The following TRPS1 variants were observed in gnomAD, a reference collection of about 807,000 sequenced individuals.
The protein encoded by TRPS1 is zinc finger transcription factor Trps1.
TRPS1 carries 6 observed loss-of-function variants against 101.2 expected under a neutral mutation model. The ratio of observed to expected loss-of-function variants is 0.06; its 90% CI spans 0.03 to 0.12. The LOEUF (loss-of-function observed/expected upper bound fraction) is 0.12. TRPS1 is among the 10% of genes least tolerant of loss of function. TRPS1 has a pLI of 1.00. For synonymous variants in TRPS1, 578 were observed against 589.8 expected (o/e 0.98, Z 0.29); for missense variants, 1,363 against 1,567.0 (o/e 0.87, Z 2.20).
At chr8:115,621,744 T>A (rs1262287924) in intron 2 of TRPS1, among the ~76,000 whole-genome samples, 1 of 151,582 alleles carries the variant, frequency 6.6e-6, no homozygotes, top group Non-Finnish European at 1.5e-5. Context: ...CGAAATTCCA[T>A]CTCTACAAAA....
At chr8:115,561,630 C>A (rs978427527) in intron 5 of TRPS1, among the ~76,000 whole-genome samples, 14 of 152,002 alleles carry the variant, frequency 9.2e-5, no homozygotes, top group Admixed American at 3.9e-4. Flanking sequence ...TTGAACGAAA[C>A]CTGCTACAGG....
intron 5 of TRPS1, among the ~76,000 whole-genome samples, chr8:115,548,975 G>A (rs1459864827): frequency 1.3e-5 from 2 of 152,056 alleles, no homozygotes; most frequent in Non-Finnish European, 2.9e-5. Context: ...GCACTGAGCT[G>A]GTAAAGTAGT....
At chr8:115,576,593 C>T (rs902886457) in intron 5 of TRPS1, among the ~76,000 whole-genome samples, 2 of 152,040 alleles carry the variant, frequency 1.3e-5, no homozygotes, top group Non-Finnish European at 2.9e-5. Context: ...CACAAAGTCT[C>T]CTTTCCTCCA....
chr8:115,505,455 A>G (rs911182651), intron 5 of TRPS1, among the ~76,000 whole-genome samples: 2 of 152,090 alleles, frequency 1.3e-5, no homozygotes, highest in Non-Finnish European at 2.9e-5. Flanking sequence ...CATGTTTGAG[A>G]CAACCACACA....
intron 4 of TRPS1, among the ~76,000 whole-genome samples, chr8:115,591,815 A>G (rs1423373335): frequency 6.6e-6 from 1 of 152,246 alleles, no homozygotes; most frequent in Non-Finnish European, 1.5e-5. Context: ...GGTTGTAAAA[A>G]CAAGCTCAAT....
At chr8:115,533,461 C>CTTTTA (rs1381965854) in intron 5 of TRPS1, among the ~76,000 whole-genome samples, 1 of 14,252 alleles carries the variant, frequency 7.0e-5, no homozygotes, top group Non-Finnish European at 1.2e-4. Context: ...TTTTTTTTTC[C>CTTTTA]TGAAAAAAAT....
intron 5 of TRPS1, among the ~76,000 whole-genome samples, chr8:115,458,295 T>G (rs1814079993): frequency 6.6e-6 from 1 of 152,192 alleles, no homozygotes; most frequent in Non-Finnish European, 1.5e-5. Flanking sequence ...GGGTATGGTA[T>G]ATATGAATCT....
At chr8:115,481,945 A>G (rs1814763823) in intron 5 of TRPS1, among the ~76,000 whole-genome samples, 2 of 152,202 alleles carry the variant, frequency 1.3e-5, no homozygotes, top group South Asian at 2.1e-4. Flanking sequence ...GGAAGACAGT[A>G]TAATGGTACA....
At chr8:115,415,871 G>T (rs190971991) in intron 6 of TRPS1, among the ~76,000 whole-genome samples, 1 of 152,132 alleles carries the variant, frequency 6.6e-6, no homozygotes, top group African/African-American at 2.4e-5. Context: ...AAATACATGC[G>T]TGCTTCTAAA....
At chr8:115,486,345 C>A (rs1346876252) in intron 5 of TRPS1, among the ~76,000 whole-genome samples, 4 of 152,204 alleles carry the variant, frequency 2.6e-5, no homozygotes, top group African/African-American at 9.7e-5. Flanking sequence ...TCTCCCTCTC[C>A]AAGGGTCTCC....
chr8:115,626,931 A>G (rs1355677431), intron 1 of TRPS1, among the ~76,000 whole-genome samples: 1 of 151,812 alleles, frequency 6.6e-6, no homozygotes, highest in African/African-American at 2.4e-5. Context: ...GTGGTAAGTA[A>G]GTAATAAATG....
At chr8:115,500,864 C>T (rs114910737) in intron 5 of TRPS1, among the ~76,000 whole-genome samples, 5,596 of 152,164 alleles carry the variant, frequency 0.037, 379 homozygotes, top group African/African-American at 0.13. Context: ...GGAGCCACCG[C>T]GCCCGACCTG....
At chr8:115,664,613 A>G (rs1811880561) in intron 1 of TRPS1, among the ~76,000 whole-genome samples, 1 of 152,174 alleles carries the variant, frequency 6.6e-6, no homozygotes, top group Non-Finnish European at 1.5e-5. Context: ...CAATGGTATT[A>G]GCAGTTATCA....
intron 1 of TRPS1, among the ~76,000 whole-genome samples, chr8:115,662,513 G>A (rs1404850095): frequency 1.3e-5 from 2 of 151,892 alleles, no homozygotes; most frequent in East Asian, 1.9e-4. Flanking sequence ...TTTCTGGGTG[G>A]AGTGTCTTTT....
intron 5 of TRPS1, among the ~76,000 whole-genome samples, chr8:115,480,068 T>C (rs533592092): frequency 1.3e-5 from 2 of 152,304 alleles, no homozygotes; most frequent in South Asian, 2.1e-4. Context: ...GTATTTGCTT[T>C]AATTTGCTTT....
intron 5 of TRPS1, among the ~76,000 whole-genome samples, chr8:115,441,741 A>G (rs1452487294): frequency 1.3e-5 from 2 of 152,182 alleles, no homozygotes; most frequent in Non-Finnish European, 2.9e-5. Flanking sequence ...TGGAAACTTA[A>G]ACTATTTATT....
At chr8:115,611,010 G>C (rs769070717) in intron 3 of TRPS1, among the ~76,000 whole-genome samples, 3 of 151,778 alleles carry the variant, frequency 2.0e-5, no homozygotes, top group Non-Finnish European at 4.4e-5. Context: ...CCAGCTACTC[G>C]GGAGGCTGAG....
At chr8:115,627,261 A>C (rs192692629) in intron 1 of TRPS1, among the ~76,000 whole-genome samples, 2 of 151,800 alleles carry the variant, frequency 1.3e-5, no homozygotes, top group Non-Finnish European at 3.0e-5. Context: ...TTCACTGTGC[A>C]AATTGAGAAA....
rs1049686808 is a variant in TRPS1, at chr8:115,412,118, T to C, written c.*1905A>G. 3 of 150,908 alleles carry C rather than the reference T, an allele frequency of 2.0e-5. No individual in the cohort carries two copies. Among genetic ancestry groups the C allele is most frequent in the Non-Finnish European group, 4.4e-5 (3 of 67,702 alleles). 9.3% of individuals were successfully genotyped at this position (150,908 alleles called of 1,614,324 possible). A position where few individuals can be genotyped will look rare whatever the true frequency, so the allele number is the denominator to read the frequency against. On this transcript the variant is annotated 3_prime_UTR_variant, in exon 7 of 7. Coordinates refer to ENST00000395715, the MANE Select transcript of TRPS1 (RefSeq NM_014112.5). The stretch of plus-strand genomic sequence containing the variant: ...TTCATATGAAACATAGACAAAGCAA[T>C]AAAAAGAGGATATATGTTTATCATC...
Sources: gnomAD v4.1 joint callset for allele counts (sites outside exome capture counted in the v4.1 genomes callset) on GRCh38, gnomAD v4.1.1 for gene constraint, MANE v1.5 for transcripts, NCBI Gene and HGNC (gene_info 2026-07-23, HGNC 2026-07-21) for gene names.